Variants in KCNIP4 observed in about 807,000 individuals in gnomAD.
KCNIP4 encodes the protein potassium voltage-gated channel interacting protein 4.
In KCNIP4, 12 loss-of-function variants were observed where a neutral mutation model predicts 34.0. The ratio of observed to expected loss-of-function variants is 0.35; its 90% CI spans 0.23 to 0.57. The LOEUF (loss-of-function observed/expected upper bound fraction) is 0.57, where lower values mean the gene tolerates loss of function less well. Ranked by LOEUF, KCNIP4 falls within the 20% of genes least tolerant of loss-of-function variation. KCNIP4 has a pLI of 0.83. For synonymous variants in KCNIP4, 124 were observed against 102.2 expected, an observed-to-expected ratio of 1.21 and a Z score of -1.29; for missense variants, 238 against 311.7, an observed-to-expected ratio of 0.76 and a Z score of 1.78.
chr4:21,010,945 T>G (rs1052083149), intron 1 of KCNIP4, among the ~76,000 whole-genome samples: 6 of 152,202 alleles, frequency 3.9e-5, no homozygotes, highest in African/African-American at 7.2e-5. Context: ...TGAATTTGCG[T>G]TGGATCACCC....
intron 1 of KCNIP4, among the ~76,000 whole-genome samples, chr4:21,063,396 T>C (rs1328868447): frequency 1.3e-5 from 2 of 152,204 alleles, no homozygotes; most frequent in Non-Finnish European, 2.9e-5. Flanking sequence ...GAGTAAGCTA[T>C]GTCAGTCCTT....
At chr4:21,325,923 A>T (rs1031048137) in intron 1 of KCNIP4, among the ~76,000 whole-genome samples, 12 of 151,736 alleles carry the variant, frequency 7.9e-5, no homozygotes, top group African/African-American at 2.9e-4. Flanking sequence ...TCCTCTTGTT[A>T]CTGATTTTTA....
intron 1 of KCNIP4, among the ~76,000 whole-genome samples, chr4:21,018,199 C>T (rs1403105380): frequency 1.3e-5 from 2 of 152,152 alleles, no homozygotes; most frequent in Admixed American, 6.5e-5. Context: ...TCTAAACTCT[C>T]TCTTTTCTTT....
chr4:21,091,456 A>C (rs192677948), intron 1 of KCNIP4, among the ~76,000 whole-genome samples: 1 of 152,348 alleles, frequency 6.6e-6, no homozygotes, highest in East Asian at 1.9e-4. Context: ...TAACGAATGA[A>C]AAGACTAGGG....
intron 1 of KCNIP4, among the ~76,000 whole-genome samples, chr4:21,254,850 T>C (rs1416200699): frequency 2.0e-5 from 3 of 152,174 alleles, no homozygotes; most frequent in Admixed American, 6.5e-5. Context: ...CCTTATCCCT[T>C]CCAAGGACCA....
intron 1 of KCNIP4, among the ~76,000 whole-genome samples, chr4:21,766,698 G>A (rs548705860): frequency 1.4e-4 from 22 of 151,980 alleles, no homozygotes; most frequent in Admixed American, 3.3e-4. Context: ...TTTTATATAC[G>A]AGGCAGGGAG....
At chr4:21,689,796 C>T (rs374602833) in intron 1 of KCNIP4, among the ~76,000 whole-genome samples, 3 of 152,012 alleles carry the variant, frequency 2.0e-5, no homozygotes, top group African/African-American at 7.2e-5. Context: ...CCCACCCTGG[C>T]CACTGATTCA....
intron 1 of KCNIP4, among the ~76,000 whole-genome samples, chr4:21,713,683 T>G (rs899138410): frequency 6.6e-6 from 1 of 152,202 alleles, no homozygotes; most frequent in Non-Finnish European, 1.5e-5. Flanking sequence ...ACTCTGCTAT[T>G]GAACATTAGA....
intron 1 of KCNIP4, among the ~76,000 whole-genome samples, chr4:21,886,729 G>T (rs939019004): frequency 6.6e-6 from 1 of 152,172 alleles, no homozygotes; most frequent in African/African-American, 2.4e-5. Context: ...CAAGATCAGT[G>T]ATATTCTCAG....
intron 1 of KCNIP4, among the ~76,000 whole-genome samples, chr4:21,669,100 C>G (rs547891775): frequency 6.6e-6 from 1 of 152,084 alleles, no homozygotes; most frequent in Admixed American, 6.6e-5. Context: ...GACATTTTCT[C>G]TTTCTTATGA....
At chr4:21,879,647 C>T (rs1050017127) in intron 1 of KCNIP4, among the ~76,000 whole-genome samples, 4 of 152,186 alleles carry the variant, frequency 2.6e-5, no homozygotes, top group Admixed American at 1.3e-4. Context: ...CAATAACCCA[C>T]CATTAAAGAC....
At chr4:21,668,340 C>T (rs531760915) in intron 1 of KCNIP4, among the ~76,000 whole-genome samples, 18 of 151,650 alleles carry the variant, frequency 1.2e-4, no homozygotes, top group African/African-American at 4.1e-4. Context: ...ACATATATCC[C>T]GGTTTTTTTT....
intron 1 of KCNIP4, among the ~76,000 whole-genome samples, chr4:21,771,864 C>T (rs1461968288): frequency 4.6e-5 from 7 of 152,220 alleles, no homozygotes; most frequent in African/African-American, 1.7e-4. Context: ...AAAATCATGT[C>T]TGCAAACAGA....
intron 1 of KCNIP4, among the ~76,000 whole-genome samples, chr4:21,455,611 T>C (rs904874806): frequency 1.4e-5 from 2 of 143,326 alleles, no homozygotes; most frequent in Admixed American, 1.4e-4. Flanking sequence ...ATTTTACAGA[T>C]AAAGAAACTG....
In KCNIP4 at chr4:21,757,198, GGAAAGAAA is replaced by G. The variant is rs1184733064; in HGVS notation, c.61+191365_61+191372del. ...AGGAAGGAAGGAAGGAAGGAAGGAA[GGAAAGAAA>G]GAAAGAAAGAAAGAAAGAAAGAAAG... is the stretch of plus-strand genomic sequence containing the variant. On this transcript the variant is annotated intron_variant, in intron 1 of 8. Transcript: ENST00000382152. Among the ~76,000 whole-genome samples the G allele has an allele frequency of 1.1e-3, 45 of 39,540 alleles. 1 individual carries two copies. The highest frequency in any genetic ancestry group is 5.1e-3 in the South Asian group (8 of 1,580). 25.9% of individuals were successfully genotyped at this position (39,540 alleles called of 152,430 possible).
chr4:21,748,504 CA>C (rs1441402597), intron 1 of KCNIP4, among the ~76,000 whole-genome samples: 3 of 151,956 alleles, frequency 2.0e-5, no homozygotes, highest in African/African-American at 7.3e-5. Context: ...GAAAACAGAC[CA>C]AAAAATATTT....
chr4:21,810,564 C>T (rs1051940805), intron 1 of KCNIP4, among the ~76,000 whole-genome samples: 16 of 152,036 alleles, frequency 1.1e-4, no homozygotes, highest in Non-Finnish European at 8.8e-5. Flanking sequence ...GGGGCGGGCA[C>T]CTGTAATCCC....
chr4:21,072,260 C>T lies in KCNIP4; in HGVS notation c.62-189551G>A, dbSNP rs1469923255. 1.2e-4 allele frequency among the ~76,000 whole-genome samples: 19 copies of T among 152,192 alleles called. 1 individual carries two copies. The highest frequency in any genetic ancestry group is 1.2e-3 in the Admixed American group (19 of 15,268). On this transcript the variant is annotated intron_variant, in intron 1 of 8. Coordinates refer to ENST00000382152, the MANE Select transcript of KCNIP4 (RefSeq NM_025221.6). ...TTGAACTAGTTTACAGTCCCACCAACAGTGTAAAAGTGTTCCTATTTCTCC... is the reference window on the plus strand; with the variant it reads ...TTGAACTAGTTTACAGTCCCACCAATAGTGTAAAAGTGTTCCTATTTCTCC...
At chr4:20,749,466 T>C (rs552077750) in intron 5 of KCNIP4, among the ~76,000 whole-genome samples, 196 bp downstream of exon 5, 1 of 152,248 alleles carries the variant, frequency 6.6e-6, no homozygotes, top group East Asian at 1.9e-4. Context: ...ATATAAAGCA[T>C]TAGAAAATAA....
Sources: gnomAD v4.1 joint callset for allele counts (sites outside exome capture counted in the v4.1 genomes callset) on GRCh38, gnomAD v4.1.1 for gene constraint, MANE v1.5 for transcripts, NCBI Gene and HGNC (gene_info 2026-07-23, HGNC 2026-07-21) for gene names.